IGSF10: variants seen among roughly 807,000 people sequenced by gnomAD.
IGSF10 encodes the protein calvaria mechanical force protein 608.
A neutral mutation model predicts 128.2 loss-of-function variants in IGSF10; 126 were observed. The observed-to-expected ratio is 0.98, with a 90% CI of 0.85 to 1.14. IGSF10 has a LOEUF of 1.14. Among genes scored for constraint, IGSF10 ranks in the 50% most tolerant of loss-of-function variants. IGSF10 has a pLI of 0.00. For synonymous variants in IGSF10, 1,185 were observed against 1,146.2 expected (o/e 1.03, Z -0.68); for missense variants, 3,295 against 3,149.8 (o/e 1.05, Z -1.10).
At chr3:151,450,895 CA>C (rs35070766) in intron 5 of IGSF10, among the ~76,000 whole-genome samples, 697 of 55,384 alleles carry the variant, frequency 0.013, 2 homozygotes, top group African/African-American at 0.039. Context: ...AACTCTGTCT[CA>C]AAAAAAAAAA....
At chr3:151,589,239 A>C in the IGSF10 span, among the ~76,000 whole-genome samples, 31 of 152,298 alleles carry the variant, frequency 2.0e-4, no homozygotes, top group East Asian at 5.6e-3. Flanking sequence ...AGATCATTTA[A>C]AAGTTGGAAG....
At chr3:151,546,370 C>T in the IGSF10 span, among the ~76,000 whole-genome samples, 1 of 152,044 alleles carries the variant, frequency 6.6e-6, no homozygotes, top group African/African-American at 2.4e-5. Flanking sequence ...CTTTTTGAGA[C>T]AGGGTTTTGC....
At chr3:151,568,568 CT>C in the IGSF10 span, among the ~76,000 whole-genome samples, 2 of 152,184 alleles carry the variant, frequency 1.3e-5, no homozygotes, top group African/African-American at 4.8e-5. Context: ...TGCTTCACCC[CT>C]GTGTGTAATA....
Position 151,447,622 on chromosome 3 carries a change from G to A in IGSF10, c.2359C>T (p.Pro787Ser). Residue 787 changes from proline (P) to serine (S), a missense_variant, in exon 6 of 8, where the codon CCA becomes TCA. Transcript: ENST00000282466. Reference protein sequence around the residue: ...VSPPPVVTQLPNIPGEEDDSS... With the variant: ...VSPPPVVTQLSNIPGEEDDSS... ...TCGTCTTCTTCACCAGGTATGTTTG[G>A]GAGTTGGGTGACCACTGGGGGTGGG... is the stretch of plus-strand genomic sequence containing the variant. 6.2e-7 allele frequency: 1 copy of A among 1,614,104 alleles called. No homozygotes were observed. Among genetic ancestry groups the A allele is most frequent in the Non-Finnish European group, 8.5e-7 (1 of 1,180,026 alleles).
the IGSF10 span, among the ~76,000 whole-genome samples, chr3:151,594,722 C>A: frequency 2.7e-5 from 4 of 149,940 alleles, no homozygotes; most frequent in Middle Eastern, 6.9e-3. Context: ...AGTAGGGTGA[C>A]TATAGTTAAC....
chr3:151,562,216 C>T, the IGSF10 span, among the ~76,000 whole-genome samples: 1 of 152,156 alleles, frequency 6.6e-6, no homozygotes, highest in African/African-American at 2.4e-5. Flanking sequence ...GTCTTCCTCA[C>T]TGCTGCAGTC....
At position 151,458,523 on chromosome 3, in the gene IGSF10, T is replaced by C. The variant is rs777256390; in HGVS notation, c.187A>G (p.Asn63Asp). 1.8e-5 allele frequency: 29 copies of C among 1,612,594 alleles called. No homozygotes were observed. Among genetic ancestry groups the C allele is most frequent in the Non-Finnish European group, 2.4e-5 (28 of 1,179,152 alleles). ...DSIPPNVERINLGYNSLVRLM... is the reference protein window; with the variant it reads ...DSIPPNVERIDLGYNSLVRLM... ...ACATGAGGTCTCACACACCCTAAATTGATGCGTTCCACATTGGGCGGGATG... is the reference window on the plus strand; with the variant it reads ...ACATGAGGTCTCACACACCCTAAATCGATGCGTTCCACATTGGGCGGGATG... The change falls in exon 3 of 8, where the codon AAT (asparagine) becomes GAT (aspartate). Residue 63 changes from asparagine to aspartate, a missense_variant. Asn to Asp is a conservative substitution (Grantham distance 23, BLOSUM62 1). Transcript: ENST00000282466.
At chr3:151,587,572 C>T in the IGSF10 span, among the ~76,000 whole-genome samples, 1 of 152,076 alleles carries the variant, frequency 6.6e-6, no homozygotes, top group Non-Finnish European at 1.5e-5. Flanking sequence ...CAAAATGACA[C>T]TATGAATTAT....
chr3:151,436,018 G>T (rs965862285), downstream of IGSF10: 2 of 152,176 alleles, frequency 1.3e-5, no homozygotes, highest in African/African-American at 4.8e-5. Context: ...TTTAATGGGT[G>T]TATTTGGACA....
rs1720545144 is a variant in IGSF10 at position 151,438,161 on chromosome 3, A to G, written c.6400T>C (p.Leu2134=). The G allele has an allele frequency of 1.2e-6, 2 of 1,614,154 alleles. No homozygotes were observed. The highest frequency in any genetic ancestry group is 1.7e-6 in the Non-Finnish European group (2 of 1,180,016). ...CGGGGAGCAGCTGTTATAACTGTTA[A>G]GTGGACCTTCATTTCATCTTTCCCT... ...TLGKDEMKVH[L]TVITAAPRIR... is the part of the protein sequence containing the mutation. Residue 2134 remains leucine (L), a synonymous_variant, in exon 8 of 8, where the codon TTA becomes CTA. Transcript: ENST00000282466.
chr3:151,553,143 G>A, the IGSF10 span, among the ~76,000 whole-genome samples: 1 of 152,064 alleles, frequency 6.6e-6, no homozygotes, highest in Non-Finnish European at 1.5e-5. Context: ...TATGATTATA[G>A]AGATGCCTGT....
intron 2 of IGSF10, among the ~76,000 whole-genome samples, chr3:151,460,047 A>AT (rs879802861): frequency 2.4e-4 from 36 of 152,344 alleles, no homozygotes; most frequent in Non-Finnish European, 3.5e-4. Context: ...GCTTTGTATG[A>AT]TTGGAGACAG....
chr3:151,568,664 T>A, the IGSF10 span, among the ~76,000 whole-genome samples: 13 of 152,126 alleles, frequency 8.5e-5, no homozygotes, highest in African/African-American at 3.1e-4. Context: ...GAGGATTTAG[T>A]TTTAGTATAG....
intron 5 of IGSF10, among the ~76,000 whole-genome samples, chr3:151,451,113 CAAATGCAAACCTGACCAT>C (rs1721490541): frequency 6.6e-6 from 1 of 152,074 alleles, no homozygotes; most frequent in African/African-American, 2.4e-5. Context: ...TATTTTGCCT[CAAATGCAAACCTGACCAT>C]ATCACCCCCA....
the IGSF10 span, among the ~76,000 whole-genome samples, chr3:151,472,994 T>C: frequency 2.0e-5 from 3 of 152,156 alleles, no homozygotes; most frequent in Non-Finnish European, 4.4e-5. Flanking sequence ...TGTACACCTG[T>C]TGGAGACTTT....
At position 151,438,352 on chromosome 3, in the gene IGSF10, A is replaced by C; in HGVS notation, c.6209T>G (p.Ile2070Arg). The C allele has an allele frequency of 6.2e-7, 1 of 1,614,202 alleles. No homozygotes were observed. Residue 2070 changes from isoleucine (I) to arginine (R), a missense_variant, in exon 8 of 8, where the codon ATA becomes AGA. By Grantham distance (97) the Ile-to-Arg change is moderately conservative (BLOSUM62 -3). Coordinates refer to ENST00000282466, the MANE Select transcript of IGSF10 (RefSeq NM_178822.5). Reference sequence around the variant, plus strand: ...GGTTCCATCAGGCAAACTCCAAGATATCTCTGGCACTGGGGAGCCGGAAGC... The same window carrying C: ...GGTTCCATCAGGCAAACTCCAAGATCTCTCTGGCACTGGGGAGCCGGAAGC... ...CKASGSPVPE[I>R]SWSLPDGTMI...
the IGSF10 span, among the ~76,000 whole-genome samples, chr3:151,584,671 C>T: frequency 6.6e-6 from 1 of 152,170 alleles, no homozygotes; most frequent in East Asian, 1.9e-4. Context: ...CAGGTGGAGG[C>T]TGGTTTTAGC....
At chr3:151,536,859 T>C in the IGSF10 span, among the ~76,000 whole-genome samples, 9 of 152,318 alleles carry the variant, frequency 5.9e-5, no homozygotes, top group African/African-American at 2.2e-4. Flanking sequence ...ATTCTTAAAT[T>C]TGATATGCAG....
the IGSF10 span, among the ~76,000 whole-genome samples, chr3:151,511,495 C>G: frequency 2.9e-3 from 444 of 152,260 alleles, 1 homozygote; most frequent in African/African-American, 8.4e-3. Flanking sequence ...CAACTGGTAC[C>G]AGCCACTGCA....
Sources: gnomAD v4.1 joint callset for allele counts (sites outside exome capture counted in the v4.1 genomes callset) on GRCh38, gnomAD v4.1.1 for gene constraint, MANE v1.5 for transcripts, NCBI Gene and HGNC (gene_info 2026-07-23, HGNC 2026-07-21) for gene names.